Variants in HCN1 observed in about 807,000 individuals in gnomAD.
HCN1 encodes the protein potassium/sodium hyperpolarization-activated cyclic nucleotide-gated channel 1.
HCN1 carries 13 observed loss-of-function variants against 78.9 expected under a neutral mutation model. The observed-to-expected ratio is 0.16, with a 90% CI of 0.11 to 0.26. The LOEUF is 0.26. HCN1 is among the 10% of genes least tolerant of loss of function. HCN1 has a pLI of 1.00. For synonymous variants in HCN1, 552 were observed against 455.5 expected (o/e 1.21, Z -2.70); for missense variants, 810 against 1,154.3 (o/e 0.70, Z 4.32).
chr5:45,487,728 T>C (rs184459706), intron 2 of HCN1, among the ~76,000 whole-genome samples: 2 of 152,206 alleles, frequency 1.3e-5, no homozygotes, highest in East Asian at 3.9e-4. Context: ...TTCAAAATAA[T>C]GCAAGAACAG....
At chr5:45,268,557 T>C (rs543970387) in intron 6 of HCN1, among the ~76,000 whole-genome samples, 13 of 152,328 alleles carry the variant, frequency 8.5e-5, no homozygotes, top group South Asian at 4.1e-4. Flanking sequence ...TAGACACATG[T>C]ACGTTCATTT....
chr5:45,518,937 G>C (rs1742566658), intron 2 of HCN1, among the ~76,000 whole-genome samples: 1 of 150,878 alleles, frequency 6.6e-6, no homozygotes. Context: ...TGATGTAAAA[G>C]GTATTTATAT....
intron 4 of HCN1, among the ~76,000 whole-genome samples, chr5:45,393,990 CT>C (rs1176944934): frequency 1.3e-5 from 2 of 152,096 alleles, no homozygotes; most frequent in African/African-American, 4.8e-5. Context: ...GAATACATTC[CT>C]TTTGAGAGAG....
intron 5 of HCN1, among the ~76,000 whole-genome samples, chr5:45,338,966 C>T (rs1035827983): frequency 3.9e-5 from 6 of 152,046 alleles, no homozygotes; most frequent in Admixed American, 6.5e-5. Context: ...AAACTTAGAC[C>T]TTTGTGTGAT....
Position 45,502,461 on chromosome 5 carries a change from G to A in HCN1, c.850-40454C>T, listed in dbSNP as rs576062271. 5.7e-4 allele frequency among the ~76,000 whole-genome samples: 86 copies of A among 152,150 alleles called. 1 individual carries two copies. In the South Asian group the frequency reaches 6.6e-3, roughly 12 times the overall value. ...TCAAGAAATACGAATTCCAACTATT[G>A]GGATCCACTATTATTTCATGATTAA... On this transcript the variant is annotated intron_variant, in intron 2 of 7. Coordinates refer to ENST00000303230, the MANE Select transcript of HCN1 (RefSeq NM_021072.4).
At chr5:45,282,582 C>G (rs1219310779) in intron 6 of HCN1, among the ~76,000 whole-genome samples, 1 of 152,158 alleles carries the variant, frequency 6.6e-6, no homozygotes, top group Non-Finnish European at 1.5e-5. Flanking sequence ...ATTTCAAATT[C>G]CTTAATCTGG....
chr5:45,436,359 C>G lies in HCN1; in HGVS notation c.1011+25487G>C, dbSNP rs184379456. Among the ~76,000 whole-genome samples, 31 of 152,240 alleles carry G rather than the reference C, an allele frequency of 2.0e-4. No homozygotes were observed. The East Asian group carries it at 5.8e-3, about 29-fold the overall frequency. ...ATGTTCTTAGCTCAAACATCTGTTGCTTAAGGCAGGGGGGAGGTTCTGCAT... is the reference window on the plus strand; with the variant it reads ...ATGTTCTTAGCTCAAACATCTGTTGGTTAAGGCAGGGGGGAGGTTCTGCAT... On this transcript the variant is annotated intron_variant, in intron 3 of 7. Transcript: ENST00000303230.
intron 2 of HCN1, among the ~76,000 whole-genome samples, chr5:45,530,953 G>A (rs1438771826): frequency 1.3e-5 from 2 of 151,996 alleles, no homozygotes; most frequent in Admixed American, 1.3e-4. Context: ...GACTAATGGT[G>A]GTGGTGGTAG....
chr5:45,554,190 G>C (rs1346895387), intron 2 of HCN1, among the ~76,000 whole-genome samples: 1 of 151,806 alleles, frequency 6.6e-6, no homozygotes, highest in African/African-American at 2.4e-5. Context: ...ATCACTGACA[G>C]ATAGGCCCAT....
intron 1 of HCN1, among the ~76,000 whole-genome samples, chr5:45,669,135 T>C (rs1300467788): frequency 6.6e-6 from 1 of 151,874 alleles, no homozygotes; most frequent in African/African-American, 2.4e-5. Context: ...TTTTAGTTTG[T>C]AGAAATTAAC....
At chr5:45,303,049 G>T (rs544499768) in intron 6 of HCN1, among the ~76,000 whole-genome samples, 1 of 151,938 alleles carries the variant, frequency 6.6e-6, no homozygotes, top group Admixed American at 6.6e-5. Context: ...TTTTAGCAAG[G>T]TAAATTGCCA....
intron 2 of HCN1, among the ~76,000 whole-genome samples, chr5:45,595,603 G>A (rs1192232456): frequency 6.6e-6 from 1 of 151,968 alleles, no homozygotes; most frequent in East Asian, 1.9e-4. Context: ...TCATTCTATA[G>A]TCTAAAGATA....
At chr5:45,501,140 A>T (rs940641891) in intron 2 of HCN1, among the ~76,000 whole-genome samples, 39 of 152,230 alleles carry the variant, frequency 2.6e-4, no homozygotes, top group African/African-American at 9.4e-4. Context: ...CAGCAGAAAC[A>T]AAATGATTAC....
chr5:45,462,390 T>C (rs1003994725), intron 2 of HCN1, among the ~76,000 whole-genome samples: 1 of 152,172 alleles, frequency 6.6e-6, no homozygotes, highest in African/African-American at 2.4e-5. Context: ...TCTCTTGTTA[T>C]ATTAATAGAT....
chr5:45,520,715 G>T (rs1166291491), intron 2 of HCN1, among the ~76,000 whole-genome samples: 3 of 151,816 alleles, frequency 2.0e-5, no homozygotes, highest in African/African-American at 4.8e-5. Flanking sequence ...GCATTCATTT[G>T]GTAAGTATAT....
chr5:45,685,748 C>T (rs1739792835), intron 1 of HCN1, among the ~76,000 whole-genome samples: 1 of 152,088 alleles, frequency 6.6e-6, no homozygotes, highest in Non-Finnish European at 1.5e-5. Context: ...CTAACTGCCT[C>T]ATGACTAGAC....
chr5:45,464,106 G>T (rs764961913), intron 2 of HCN1, among the ~76,000 whole-genome samples: 2 of 151,956 alleles, frequency 1.3e-5, no homozygotes, highest in African/African-American at 4.8e-5. Flanking sequence ...ACTTCCTTTT[G>T]GGAAATTAGA....
At chr5:45,323,261 C>T (rs62367527) in intron 5 of HCN1, among the ~76,000 whole-genome samples, 10,303 of 151,784 alleles carry the variant, frequency 0.068, 490 homozygotes, top group East Asian at 0.14. Context: ...AACTATCTCA[C>T]GAATGATGTT....
intron 6 of HCN1, among the ~76,000 whole-genome samples, chr5:45,274,709 C>A (rs2111858201): frequency 6.6e-6 from 1 of 152,316 alleles, no homozygotes; most frequent in Non-Finnish European, 1.5e-5. Flanking sequence ...CTTTCACCAT[C>A]TCATAAACAA....
Sources: gnomAD v4.1 joint callset for allele counts (sites outside exome capture counted in the v4.1 genomes callset) on GRCh38, gnomAD v4.1.1 for gene constraint, MANE v1.5 for transcripts, NCBI Gene and HGNC (gene_info 2026-07-23, HGNC 2026-07-21) for gene names.